Variants in SEMA6B observed in about 807,000 individuals in gnomAD.
SEMA6B encodes semaphorin-6B.
In SEMA6B, 47 loss-of-function variants were observed where a neutral mutation model predicts 78.6. The ratio of observed to expected loss-of-function variants is 0.60; its 90% confidence interval spans 0.47 to 0.76. SEMA6B has a LOEUF of 0.76. Among genes scored for constraint, SEMA6B ranks in the 30% least tolerant of loss-of-function variants. The pLI, the probability that SEMA6B is intolerant of heterozygous loss-of-function variation, is 0.00. For synonymous variants in SEMA6B, 632 were observed against 592.2 expected (o/e 1.07, Z -0.98); for missense variants, 1,213 against 1,269.9 (o/e 0.96, Z 0.68).
rs1977417101 is a variant in SEMA6B at position 4,554,456 on chromosome 19, C to T, written c.703G>A (p.Val235Met). 3.7e-6 allele frequency: 6 copies of T among 1,613,950 alleles called. No homozygotes were observed. Among genetic ancestry groups the T allele is most frequent in the Non-Finnish European group, 5.1e-6 (6 of 1,179,964 alleles). ...WFKEPYFVHA[V>M]EWGSHVYFFF... The stretch of plus-strand genomic sequence containing the variant: ...AAGTAGACATGGCTGCCCCACTCCA[C>T]CGCATGGACAAAGTAAGGCTCTGCA... The change falls in exon 9 of 17, where the codon GTG becomes ATG. Residue 235 changes from valine (V) to methionine (M), a missense_variant. Physicochemically the swap from Val to Met is conservative, Grantham distance 21. Transcript: ENST00000586582.
At position 4,543,693 on chromosome 19, in the gene SEMA6B, G is replaced by C; in HGVS notation, c.2575C>G (p.Arg859Gly). The C allele has an allele frequency of 8.1e-7, 1 of 1,230,312 alleles. No individual in the cohort carries two copies. The highest frequency in any genetic ancestry group is 1.0e-6 in the Non-Finnish European group (1 of 986,984). The allele number at this position is 1,230,312 out of a possible 1,614,324, so 76.2% of individuals were successfully genotyped here. The change falls in exon 17 of 17, where the codon CGC (arginine) becomes GGC (glycine). Residue 859 changes from arginine (R) to glycine (G), a missense_variant. By Grantham distance (125) the Arg-to-Gly change is moderately radical. Coordinates refer to ENST00000586582, the MANE Select transcript of SEMA6B (RefSeq NM_032108.4). ...GGCCGGGCGTGGCAGCCGCGGTGGC[G>C]GTCCCCAGGCCGGGCCTCGCCGCTG... is the stretch of plus-strand genomic sequence containing the variant. ...FNSGEARPGD[R>G]HRGCHARPGT...
In SEMA6B at chr19:4,555,848, G is replaced by A; in HGVS notation, c.471+140C>T. 2.7e-6 allele frequency: 2 copies of A among 740,652 alleles called. No homozygotes were observed. The highest frequency in any genetic ancestry group is 4.7e-6 in the Non-Finnish European group (2 of 423,788). The allele number at this position is 740,652 out of a possible 1,614,324, so 45.9% of individuals were successfully genotyped here. ...CAGCGCTGACTCCTCTTGAGCTCAG[G>A]GGGAGGAGGCAGGGAGAGTATATCC... On this transcript the variant is annotated intron_variant, in intron 6 of 16. Coordinates refer to ENST00000586582, the MANE Select transcript of SEMA6B (RefSeq NM_032108.4). The surrounding 1 kb of genome is among the most constrained non-coding windows in gnomAD (Gnocchi z 6.1).
At position 4,558,082 on chromosome 19, in the gene SEMA6B, G is replaced by C. The variant is rs748117914; in HGVS notation, c.189C>G (p.Asp63Glu). 3.9e-6 allele frequency: 6 copies of C among 1,527,102 alleles called. No homozygotes were observed. The highest frequency in any genetic ancestry group is 1.2e-5 in the South Asian group (1 of 81,132). 94.6% of individuals were successfully genotyped at this position (1,527,102 alleles called of 1,614,324 possible). Residue 63 changes from aspartate (D) to glutamate (E), a missense_variant, in exon 3 of 17, where the codon GAC (aspartate) becomes GAG (glutamate). Transcript: ENST00000586582. The surrounding 1 kb of genome is among the most constrained non-coding windows in gnomAD (Gnocchi z 5.1). ...GCAGGACTCGCTGGATGTTGAGGTCGTCAGCACCTTCTGCGGGGGTCAGGC... is the reference window on the plus strand; with the variant it reads ...GCAGGACTCGCTGGATGTTGAGGTCCTCAGCACCTTCTGCGGGGGTCAGGC... ...PGRLTPAEGA[D>E]DLNIQRVLRV... is the part of the protein sequence containing the mutation.
intron 8 of SEMA6B, 86 bp from the exon 9 acceptor site, chr19:4,554,562 AG>A (rs1555698021): frequency 1.9e-6 from 2 of 1,044,760 alleles, no homozygotes; most frequent in Non-Finnish European, 2.9e-6. Flanking sequence ...TTTATGGTGA[AG>A]GGGGGACATA....
chr19:4,542,941 C>A lies in SEMA6B; in HGVS notation c.*660G>T, dbSNP rs1328021383. The A allele has an allele frequency of 1.4e-6, 1 of 700,740 alleles. No individual in the cohort carries two copies. The highest frequency in any genetic ancestry group is 1.5e-5 in the South Asian group (1 of 67,514). The allele number at this position is 700,740 out of a possible 1,614,324, so 43.4% of individuals were successfully genotyped here. Reference sequence around the variant, plus strand: ...AAACTCCTAACCGGCACCTCGGAGACCCCCGGGCCTTCTGGAAGCCCCAGC... The same window carrying A: ...AAACTCCTAACCGGCACCTCGGAGAACCCCGGGCCTTCTGGAAGCCCCAGC... On this transcript the variant is annotated 3_prime_UTR_variant, in exon 17 of 17. Coordinates refer to ENST00000586582, the MANE Select transcript of SEMA6B (RefSeq NM_032108.4).
intron 12 of SEMA6B, among the ~76,000 whole-genome samples, chr19:4,549,595 C>G (rs1270529951): frequency 3.3e-5 from 5 of 152,238 alleles, no homozygotes. Context: ...TCTCCTGCCT[C>G]AGCCTCCTGA....
In SEMA6B at chr19:4,555,584, T is replaced by C. The variant is rs758657724; in HGVS notation, c.472-20A>G. ...GTCTATCTGCAGGGACCATGGGGCC[T>C]GAGTGACAGATCTCCTGACCCCACC... On this transcript the variant is annotated intron_variant, in intron 6 of 16. Coordinates refer to ENST00000586582, the MANE Select transcript of SEMA6B (RefSeq NM_032108.4). The surrounding 1 kb of genome is among the most constrained non-coding windows in gnomAD (Gnocchi z 6.1). 6.2e-7 allele frequency: 1 copy of C among 1,601,932 alleles called. No individual in the cohort carries two copies.
Position 4,550,296 on chromosome 19 carries a change from A to G in SEMA6B, c.1122-24T>C, listed in dbSNP as rs761788816. The G allele has an allele frequency of 2.5e-6, 4 of 1,612,778 alleles. No individual in the cohort carries two copies. Among genetic ancestry groups the G allele is most frequent in the Non-Finnish European group, 3.4e-6 (4 of 1,179,388 alleles). Reference sequence around the variant, plus strand: ...GCCTGGGGGTGACAAGGGTGTGGTCAGGACGAACGTAAAGGTTCTCATAAA... The same window carrying G: ...GCCTGGGGGTGACAAGGGTGTGGTCGGGACGAACGTAAAGGTTCTCATAAA... On this transcript the variant is annotated intron_variant, in intron 11 of 16. Transcript: ENST00000586582. This position sits in a 1 kb window ranked among gnomAD's most constrained non-coding sequence, Gnocchi z 6.6.
At chr19:4,549,770 G>GCA (rs1977272546) in intron 12 of SEMA6B, among the ~76,000 whole-genome samples, 1 of 152,048 alleles carries the variant, frequency 6.6e-6, no homozygotes, top group South Asian at 2.1e-4. Flanking sequence ...GAGCCACCAT[G>GCA]CCCGGCCAAT....
chr19:4,555,627 C>T lies in SEMA6B; in HGVS notation c.472-63G>A, dbSNP rs1168422722. On this transcript the variant is annotated intron_variant, in intron 6 of 16. Transcript: ENST00000586582. The surrounding 1 kb of genome is among the most constrained non-coding windows in gnomAD (Gnocchi z 6.1). ...ACCCCACCTAGCAGCCCCTGGCTCC[C>T]TCAGCCCCCCACTCCAGGGGGAATC... 7.5e-7 allele frequency: 1 copy of T among 1,334,450 alleles called. No individual in the cohort carries two copies. The highest frequency in any genetic ancestry group is 1.4e-5 in the African/African-American group (1 of 69,228). The allele number at this position is 1,334,450 out of a possible 1,614,324, so 82.7% of individuals were successfully genotyped here.
chr19:4,544,494 C>A lies in SEMA6B; in HGVS notation c.1774G>T (p.Gly592Trp). The change falls in exon 17 of 17, where the codon GGG (glycine) becomes TGG (tryptophan). Residue 592 changes from glycine (G) to tryptophan (W), a missense_variant. Transcript: ENST00000586582. This position sits in a 1 kb window ranked among gnomAD's most constrained non-coding sequence, Gnocchi z 5.1. ...LRASLSEDRA[G>W]LVSVNLLVTS... ...ACCAGCAGGTTCACCGACACCAGCCCCGCGCGGTCCTCGGAGAGGCTGGCC... is the reference window on the plus strand; with the variant it reads ...ACCAGCAGGTTCACCGACACCAGCCACGCGCGGTCCTCGGAGAGGCTGGCC... 6.3e-7 allele frequency: 1 copy of A among 1,580,218 alleles called. No homozygotes were observed. The highest frequency in any genetic ancestry group is 1.8e-5 in the Admixed American group (1 of 56,994).
chr19:4,544,517 G>A lies in SEMA6B; in HGVS notation c.1751C>T (p.Ala584Val). ...CCCCGCGCGGTCCTCGGAGAGGCTG[G>A]CCCGCAGGAGTCCTGGCCGGGGAGC... ...GLGDCTGLLR[A>V]SLSEDRAGLV... Residue 584 changes from alanine (A) to valine (V), a missense_variant, in exon 17 of 17, where the codon GCC (alanine) becomes GTC (valine). Coordinates refer to ENST00000586582, the MANE Select transcript of SEMA6B (RefSeq NM_032108.4). The surrounding 1 kb of genome is among the most constrained non-coding windows in gnomAD (Gnocchi z 5.1). 1.3e-6 allele frequency: 2 copies of A among 1,536,784 alleles called. No homozygotes were observed. Among genetic ancestry groups the A allele is most frequent in the Non-Finnish European group, 1.8e-6 (2 of 1,139,360 alleles).
At chr19:4,546,505 C>T in intron 14 of SEMA6B, 36 bp from the exon 15 acceptor site, 1 of 1,480,226 alleles carries the variant, frequency 6.8e-7, no homozygotes, top group Non-Finnish European at 9.1e-7. Context: ...GACAAGTGTC[C>T]AAGTCACTTA....
In SEMA6B at chr19:4,552,342, A is replaced by G; in HGVS notation, c.989+80T>C. 2 of 1,369,256 alleles carry G rather than the reference A, an allele frequency of 1.5e-6. No homozygotes were observed. The highest frequency in any genetic ancestry group is 2.0e-6 in the Non-Finnish European group (2 of 1,000,448). 84.8% of individuals were successfully genotyped at this position (1,369,256 alleles called of 1,614,324 possible). A position where few individuals can be genotyped will look rare whatever the true frequency, so the allele number is the denominator to read the frequency against. On this transcript the variant is annotated intron_variant, in intron 10 of 16. Transcript: ENST00000586582. The surrounding 1 kb of genome is among the most constrained non-coding windows in gnomAD (Gnocchi z 7.4). Reference sequence around the variant, plus strand: ...TGGTGCCCAACCTAGCACCCAGGGCATACCTGAGGAGTGAATACAGGCCCT... The same window carrying G: ...TGGTGCCCAACCTAGCACCCAGGGCGTACCTGAGGAGTGAATACAGGCCCT...
At position 4,544,300 on chromosome 19, in the gene SEMA6B, C is replaced by G; in HGVS notation, c.1968G>C (p.Glu656Asp). Reference sequence around the variant, plus strand: ...GGCCCCCGGGACCCTGCGCCCTGCGCTCGCCCAGGCGGCTGACGCTCAGCA... The same window carrying G: ...GGCCCCCGGGACCCTGCGCCCTGCGGTCGCCCAGGCGGCTGACGCTCAGCA... ...EAVLSVSRLG[E>D]RRAQGPGGRG... Residue 656 changes from glutamate (E) to aspartate (D), a missense_variant, in exon 17 of 17, where the codon GAG (glutamate) becomes GAC (aspartate). By Grantham distance (45) the Glu-to-Asp change is conservative. Transcript: ENST00000586582. This position sits in a 1 kb window ranked among gnomAD's most constrained non-coding sequence, Gnocchi z 5.1. 6 of 1,467,476 alleles carry G rather than the reference C, an allele frequency of 4.1e-6. No individual in the cohort carries two copies. Among genetic ancestry groups the G allele is most frequent in the Non-Finnish European group, 5.4e-6 (6 of 1,115,504 alleles). 90.9% of individuals were successfully genotyped at this position (1,467,476 alleles called of 1,614,324 possible).
rs1457608572 is a variant in SEMA6B, at chr19:4,546,482, A to T, written c.1602-13T>A. 2 of 1,541,548 alleles carry T rather than the reference A, an allele frequency of 1.3e-6. No individual in the cohort carries two copies. ...GCCGATACAGTTCCTAGAGCAGACC[A>T]GGGACCGAATGGGACAAGTGTCCAA... On this transcript the variant is annotated splice_polypyrimidine_tract_variant and intron_variant, in intron 14 of 16. Transcript: ENST00000586582.
In SEMA6B at chr19:4,555,880, G is replaced by T. The variant is rs1008519604; in HGVS notation, c.471+108C>A. On this transcript the variant is annotated intron_variant, in intron 6 of 16. Transcript: ENST00000586582. The surrounding 1 kb of genome is among the most constrained non-coding windows in gnomAD (Gnocchi z 6.1). ...AGGCAGGGAGAGTATATCCAGGAAG[G>T]CTTCCTGGAGGAGGTGACACGGCCT... 4.5e-6 allele frequency: 4 copies of T among 886,078 alleles called. No individual in the cohort carries two copies. The highest frequency in any genetic ancestry group is 7.6e-6 in the Non-Finnish European group (4 of 528,664). 54.9% of individuals were successfully genotyped at this position (886,078 alleles called of 1,614,324 possible).
In SEMA6B at chr19:4,558,802, T is replaced by C. The variant is rs1480060374; in HGVS notation, c.-32-313A>G. 2.0e-5 allele frequency among the ~76,000 whole-genome samples: 3 copies of C among 151,344 alleles called. No individual in the cohort carries two copies. On this transcript the variant is annotated intron_variant, in intron 1 of 16. Coordinates refer to ENST00000586582, the MANE Select transcript of SEMA6B (RefSeq NM_032108.4). The surrounding 1 kb of genome is among the most constrained non-coding windows in gnomAD (Gnocchi z 5.1). ...CTAAAACATATATTTAAAAATGCAATCGCAAAATACATGCATAAAAATACT... is the reference window on the plus strand; with the variant it reads ...CTAAAACATATATTTAAAAATGCAACCGCAAAATACATGCATAAAAATACT...
Position 4,555,142 on chromosome 19 carries a change from G to A in SEMA6B, c.563-47C>T. 1 of 1,607,360 alleles carries A rather than the reference G, an allele frequency of 6.2e-7. No homozygotes were observed. Among genetic ancestry groups the A allele is most frequent in the East Asian group, 2.2e-5 (1 of 44,826 alleles). ...GGCAGGCAAGAGATGAGACCGCAGA[G>A]GCCAGGGGCTGGGTGGGTCGAAACT... On this transcript the variant is annotated intron_variant, in intron 7 of 16. Transcript: ENST00000586582. The surrounding 1 kb of genome is among the most constrained non-coding windows in gnomAD (Gnocchi z 6.1).
Sources: allele counts gnomAD v4.1 joint callset (sites outside exome capture counted in the v4.1 genomes callset), GRCh38; gene constraint gnomAD v4.1.1; non-coding constraint Gnocchi (gnomAD v3.1); transcripts MANE v1.5; gene names NCBI Gene and HGNC (gene_info 2026-07-23, HGNC 2026-07-21).